Variants in SPMIP2 observed in about 807,000 individuals in gnomAD.
The protein encoded by SPMIP2 is protein SPMIP2.
At chr4:158,903,189 G>A in the SPMIP2 span, among the ~76,000 whole-genome samples, 1 of 152,188 alleles carries the variant, frequency 6.6e-6, no homozygotes, top group East Asian at 1.9e-4. Context: ...AGACTGCAGT[G>A]CAGATATTGA....
the SPMIP2 span, among the ~76,000 whole-genome samples, chr4:158,977,377 G>A: frequency 6.6e-6 from 1 of 152,134 alleles, no homozygotes; most frequent in Admixed American, 6.6e-5. Flanking sequence ...TACTTTATTT[G>A]CATAGAGGTG....
At chr4:158,961,819 A>G in the SPMIP2 span, among the ~76,000 whole-genome samples, 1 of 152,124 alleles carries the variant, frequency 6.6e-6, no homozygotes. Flanking sequence ...AATGAAATGC[A>G]TCATGATTTA....
the SPMIP2 span, among the ~76,000 whole-genome samples, chr4:158,912,185 G>C: frequency 6.6e-6 from 1 of 152,142 alleles, no homozygotes; most frequent in East Asian, 1.9e-4. Context: ...AGAAGAAGTG[G>C]TTTAGAGACT....
the SPMIP2 span, among the ~76,000 whole-genome samples, chr4:159,020,557 G>A: frequency 6.6e-6 from 1 of 152,276 alleles, no homozygotes; most frequent in South Asian, 2.1e-4. Context: ...GGGCCGGTTA[G>A]AGGTAAGGGA....
the SPMIP2 span, among the ~76,000 whole-genome samples, chr4:158,991,171 G>A: frequency 6.6e-6 from 1 of 152,134 alleles, no homozygotes. Flanking sequence ...TGGAGCTACT[G>A]GCCCAGGAAG....
chr4:158,915,433 A>G, the SPMIP2 span: 54 of 1,279,666 alleles, frequency 4.2e-5, no homozygotes, highest in Non-Finnish European at 5.2e-5. Flanking sequence ...GATAGTTGAG[A>G]TTTGTCTGTT....
the SPMIP2 span, among the ~76,000 whole-genome samples, chr4:158,976,726 A>G: frequency 7.8e-6 from 1 of 128,772 alleles, no homozygotes; most frequent in Non-Finnish European, 1.5e-5. Context: ...GTGCAGTGGC[A>G]TCTCAGCTCA....
At chr4:158,970,579 A>T in the SPMIP2 span, among the ~76,000 whole-genome samples, 1 of 152,080 alleles carries the variant, frequency 6.6e-6, no homozygotes, top group Non-Finnish European at 1.5e-5. Context: ...GATCTGCCTT[A>T]GATGGAAAGA....
At chr4:159,039,569 G>A in the SPMIP2 span, among the ~76,000 whole-genome samples, 1 of 152,224 alleles carries the variant, frequency 6.6e-6, no homozygotes, top group Non-Finnish European at 1.5e-5. Context: ...ATGTGGATTT[G>A]TACATGCTGC....
At chr4:158,926,552 A>C in the SPMIP2 span, among the ~76,000 whole-genome samples, 128 of 152,280 alleles carry the variant, frequency 8.4e-4, no homozygotes, top group Admixed American at 5.6e-3. Flanking sequence ...CATGCCTCTT[A>C]AATGTACCGA....
chr4:158,947,028 C>A, the SPMIP2 span, among the ~76,000 whole-genome samples: 1 of 152,188 alleles, frequency 6.6e-6, no homozygotes, highest in African/African-American at 2.4e-5. Flanking sequence ...CCTACTCCCC[C>A]ACTGCTCAGC....
At chr4:159,075,844 C>T in the SPMIP2 span, among the ~76,000 whole-genome samples, 30 of 150,692 alleles carry the variant, frequency 2.0e-4, no homozygotes, top group African/African-American at 7.1e-4. Context: ...TGAGGGCTCA[C>T]AGTTTACAGT....
the SPMIP2 span, among the ~76,000 whole-genome samples, chr4:159,054,687 T>C: frequency 1.3e-5 from 2 of 152,164 alleles, no homozygotes; most frequent in African/African-American, 2.4e-5. Flanking sequence ...ACTTGAGACT[T>C]CAGTTTTTAA....
chr4:158,908,215 G>C, the SPMIP2 span, among the ~76,000 whole-genome samples: 1 of 152,116 alleles, frequency 6.6e-6, no homozygotes, highest in African/African-American at 2.4e-5. Context: ...CCAGGTTAGG[G>C]TTACTGGCAC....
chr4:159,032,435 T>C, the SPMIP2 span, among the ~76,000 whole-genome samples: 15 of 152,148 alleles, frequency 9.9e-5, no homozygotes, highest in Non-Finnish European at 2.2e-4. Flanking sequence ...TAGGAAATTA[T>C]AAAATACAGG....
the SPMIP2 span, among the ~76,000 whole-genome samples, chr4:158,953,830 C>T: frequency 6.6e-6 from 1 of 152,172 alleles, no homozygotes; most frequent in Admixed American, 6.5e-5. Context: ...TTTGACCGCT[C>T]CACTGGATTT....
At chr4:159,010,672 C>T in the SPMIP2 span, among the ~76,000 whole-genome samples, 3 of 152,182 alleles carry the variant, frequency 2.0e-5, no homozygotes, top group South Asian at 2.1e-4. Flanking sequence ...GTGGCCCAAT[C>T]GGGGCAGCGT....
chr4:158,896,531 A>G, the SPMIP2 span, among the ~76,000 whole-genome samples: 1 of 152,210 alleles, frequency 6.6e-6, no homozygotes, highest in Non-Finnish European at 1.5e-5. Context: ...CATGATGATG[A>G]TTCCCCTCAC....
At chr4:159,007,032 C>T in the SPMIP2 span, 2 of 428,634 alleles carry the variant, frequency 4.7e-6, no homozygotes, top group Non-Finnish European at 9.0e-6. Context: ...AGTTTTGATG[C>T]CGGCAGTATT....
Sources: allele counts gnomAD v4.1 joint callset (sites outside exome capture counted in the v4.1 genomes callset), GRCh38; gene constraint gnomAD v4.1.1; transcripts MANE v1.5; gene names NCBI Gene and HGNC (gene_info 2026-07-23, HGNC 2026-07-21).